Variants in ATP8B2 observed in about 807,000 individuals in gnomAD.
ATP8B2 encodes phospholipid-transporting ATPase ID.
In ATP8B2, 70 loss-of-function variants were observed where a neutral mutation model predicts 133.4. The ratio of observed to expected loss-of-function variants is 0.52; its 90% CI spans 0.43 to 0.64. The LOEUF (loss-of-function observed/expected upper bound fraction) is 0.64. Ranked by LOEUF, ATP8B2 falls within the 30% of genes least tolerant of loss-of-function variation. The pLI is 0.00. For synonymous variants in ATP8B2, 517 were observed against 589.5 expected, an observed-to-expected ratio of 0.88 and a Z score of 1.78; for missense variants, 1,101 against 1,535.7, an observed-to-expected ratio of 0.72 and a Z score of 4.73.
chr1:154,330,808 GC>G lies in ATP8B2; in HGVS notation c.91-5del. 1 of 1,608,948 alleles carries G rather than the reference GC, an allele frequency of 6.2e-7. No homozygotes were observed. Among genetic ancestry groups the G allele is most frequent in the African/African-American group, 1.3e-5 (1 of 74,896 alleles). On this transcript the variant is annotated splice_polypyrimidine_tract_variant and splice_region_variant and intron_variant, in intron 3 of 27. Coordinates refer to ENST00000368489, the MANE Select transcript of ATP8B2 (RefSeq NM_001370597.1). ...ACTGCTCATTATCTTCTCTCCTACTGCCATAGAGTAACTGCATCAAGACCTC... is the reference window on the plus strand; with the variant it reads ...ACTGCTCATTATCTTCTCTCCTACTGCATAGAGTAACTGCATCAAGACCTC...
intron 11 of ATP8B2, among the ~76,000 whole-genome samples, chr1:154,336,157 A>C (rs1686173677): frequency 6.6e-6 from 1 of 152,074 alleles, no homozygotes; most frequent in Non-Finnish European, 1.5e-5. Flanking sequence ...GTTTTCTGGT[A>C]TGTTAAAAGT....
intron 1 of ATP8B2, chr1:154,327,713 C>A: frequency 1.5e-6 from 2 of 1,370,820 alleles, no homozygotes; most frequent in Non-Finnish European, 1.0e-6. Flanking sequence ...GTTCCCTCCA[C>A]CCCACCCTTT....
Position 154,348,478 on chromosome 1 carries a change from C to T in ATP8B2, c.3234C>T (p.Ile1078=). ...TTGTGCTCACCACAGTCGTCTGCAT[C>T]ATGCCCGTGGTTGCCTTCCGATTCC... ...LTIVLTTVVC[I]MPVVAFRFLR... is the part of the protein sequence containing the mutation. The change falls in exon 27 of 28, where the codon ATC becomes ATT. Residue 1078 remains isoleucine, a synonymous_variant. Coordinates refer to ENST00000368489, the MANE Select transcript of ATP8B2 (RefSeq NM_001370597.1). 1 of 1,614,156 alleles carries T rather than the reference C, an allele frequency of 6.2e-7. No individual in the cohort carries two copies. Among genetic ancestry groups the T allele is most frequent in the South Asian group, 1.1e-5 (1 of 91,082 alleles).
At chr1:154,326,068 G>A (rs1339025739) in intron 1 of ATP8B2, among the ~76,000 whole-genome samples, 1 of 152,158 alleles carries the variant, frequency 6.6e-6, no homozygotes, top group Admixed American at 6.5e-5. Context: ...ACCGGGACCC[G>A]AGGGTTTGGT....
intron 1 of ATP8B2, chr1:154,327,775 C>T (rs1247684839): frequency 6.2e-6 from 10 of 1,608,100 alleles, no homozygotes. Context: ...CGCCAGAACA[C>T]ATGAGAGCCT....
At chr1:154,342,443 C>G (rs756957283) in intron 13 of ATP8B2, 37 bp from the exon 14 acceptor site, 1 of 1,608,050 alleles carries the variant, frequency 6.2e-7, no homozygotes, top group East Asian at 2.2e-5. Flanking sequence ...CTCTCTGGCT[C>G]TGACATTGCT....
chr1:154,344,557 G>C lies in ATP8B2; in HGVS notation c.2141+57G>C. 1 of 1,612,986 alleles carries C rather than the reference G, an allele frequency of 6.2e-7. No homozygotes were observed. The highest frequency in any genetic ancestry group is 8.5e-7 in the Non-Finnish European group (1 of 1,179,184). Reference sequence around the variant, plus strand: ...TGCGTTGTGCCCAGGGCTCAGGTGGGGGTTTCTGGACCATTTAGACTTGAA... The same window carrying C: ...TGCGTTGTGCCCAGGGCTCAGGTGGCGGTTTCTGGACCATTTAGACTTGAA... On this transcript the variant is annotated intron_variant, in intron 20 of 27. Coordinates refer to ENST00000368489, the MANE Select transcript of ATP8B2 (RefSeq NM_001370597.1). This position sits in a 1 kb window ranked among gnomAD's most constrained non-coding sequence, Gnocchi z 4.1.
chr1:154,339,742 T>G (rs1570862876), intron 12 of ATP8B2, among the ~76,000 whole-genome samples: 1 of 152,156 alleles, frequency 6.6e-6, no homozygotes, highest in South Asian at 2.1e-4. Context: ...GGGATCCTGA[T>G]AGGTGCCTTA....
intron 12 of ATP8B2, among the ~76,000 whole-genome samples, chr1:154,339,326 A>C (rs1217235466): frequency 1.3e-5 from 2 of 152,174 alleles, no homozygotes; most frequent in Non-Finnish European, 2.9e-5. Flanking sequence ...TCAGGGCCTC[A>C]CTTGATCTTA....
intron 13 of ATP8B2, among the ~76,000 whole-genome samples, chr1:154,342,017 GC>G: frequency 6.6e-6 from 1 of 152,230 alleles, no homozygotes; most frequent in Admixed American, 6.5e-5. Context: ...TCCCAGTGTG[GC>G]CCGTGGCTGT....
At chr1:154,337,790 C>T (rs1298052623) in intron 12 of ATP8B2, 2 of 1,403,014 alleles carry the variant, frequency 1.4e-6, no homozygotes, top group South Asian at 1.5e-5. Context: ...TATTACATGC[C>T]TACTGTGTAC....
intron 2 of ATP8B2, among the ~76,000 whole-genome samples, chr1:154,329,553 T>G (rs917717485): frequency 2.6e-5 from 4 of 152,248 alleles, no homozygotes; most frequent in Admixed American, 1.3e-4. Flanking sequence ...ATTTGATGCC[T>G]GCAGTCCCAG....
intron 2 of ATP8B2, among the ~76,000 whole-genome samples, chr1:154,329,911 C>T (rs1320514040): frequency 6.6e-6 from 1 of 152,134 alleles, no homozygotes; most frequent in African/African-American, 2.4e-5. Context: ...AGCTCCAGGG[C>T]ACAGGGAGCC....
In ATP8B2 at chr1:154,334,352, C is replaced by T. The variant is rs1686103569; in HGVS notation, c.748+87C>T. ...AGTATGGGATGAGGTGGGAGAATAC[C>T]TAAGGTAAAAAACCTCCAGCTGTGT... is the stretch of plus-strand genomic sequence containing the variant. On this transcript the variant is annotated intron_variant, in intron 10 of 27. Transcript: ENST00000368489. This position sits in a 1 kb window ranked among gnomAD's most constrained non-coding sequence, Gnocchi z 4.6. 6.4e-7 allele frequency: 1 copy of T among 1,565,010 alleles called. No individual in the cohort carries two copies. The highest frequency in any genetic ancestry group is 1.8e-4 in the Middle Eastern group (1 of 5,458).
rs2149173857 is a variant in ATP8B2 at position 154,344,302 on chromosome 1, T to C, written c.2035+48T>C. 1.2e-6 allele frequency: 2 copies of C among 1,614,152 alleles called. No homozygotes were observed. Among genetic ancestry groups the C allele is most frequent in the East Asian group, 2.2e-5 (1 of 44,890 alleles). ...CCAGTTGCAACTGACAGTAGCCCTG[T>C]TGGACCCTTGCATGGAGCCGAGGAC... On this transcript the variant is annotated intron_variant, in intron 19 of 27. Transcript: ENST00000368489. This position sits in a 1 kb window ranked among gnomAD's most constrained non-coding sequence, Gnocchi z 4.1.
At chr1:154,336,465 C>CA (rs34095788) in intron 11 of ATP8B2, among the ~76,000 whole-genome samples, 21 of 146,976 alleles carry the variant, frequency 1.4e-4, no homozygotes, top group African/African-American at 3.0e-4. Context: ...AAAAAAATTG[C>CA]AAAAAAAAAT....
Position 154,343,873 on chromosome 1 carries a change from C to A in ATP8B2, c.1759-20C>A. The stretch of plus-strand genomic sequence containing the variant: ...AGCTCTCCAGACTTACCCAGGTGTG[C>A]CTTTCCACTCTGCCTCCAGGAGTAC... On this transcript the variant is annotated intron_variant, in intron 17 of 27. Coordinates refer to ENST00000368489, the MANE Select transcript of ATP8B2 (RefSeq NM_001370597.1). The surrounding 1 kb of genome is among the most constrained non-coding windows in gnomAD (Gnocchi z 5.8). The A allele has an allele frequency of 1.3e-6, 2 of 1,591,168 alleles. No individual in the cohort carries two copies. Among genetic ancestry groups the A allele is most frequent in the South Asian group, 2.3e-5 (2 of 88,382 alleles).
intron 11 of ATP8B2, among the ~76,000 whole-genome samples, chr1:154,336,722 CCT>C (rs895288877): frequency 6.6e-6 from 1 of 151,616 alleles, no homozygotes; most frequent in African/African-American, 2.4e-5. Flanking sequence ...GTCTCGAACT[CCT>C]GACCTCATGA....
Position 154,328,292 on chromosome 1 carries a change from C to T in ATP8B2, c.31+120C>T. 9.0e-7 allele frequency: 1 copy of T among 1,108,476 alleles called. No individual in the cohort carries two copies. Among genetic ancestry groups the T allele is most frequent in the African/African-American group, 1.5e-5 (1 of 64,780 alleles). The allele number at this position is 1,108,476 out of a possible 1,614,324, so 68.7% of individuals were successfully genotyped here. A position where few individuals can be genotyped will look rare whatever the true frequency, so the allele number is the denominator to read the frequency against. Reference sequence around the variant, plus strand: ...TCTGAGGGAGGGTAGCTTACAGCAGCCCCTACCCAGCTTGGGGGCAGCCTA... The same window carrying T: ...TCTGAGGGAGGGTAGCTTACAGCAGTCCCTACCCAGCTTGGGGGCAGCCTA... On this transcript the variant is annotated intron_variant, in intron 2 of 27. Transcript: ENST00000368489. This position sits in a 1 kb window ranked among gnomAD's most constrained non-coding sequence, Gnocchi z 4.6.
Sources: gnomAD v4.1 joint callset for allele counts (sites outside exome capture counted in the v4.1 genomes callset) on GRCh38, gnomAD v4.1.1 for gene constraint, Gnocchi (gnomAD v3.1) non-coding constraint, MANE v1.5 for transcripts, NCBI Gene and HGNC (gene_info 2026-07-23, HGNC 2026-07-21) for gene names.